SYNE2: variants seen among roughly 807,000 people sequenced by gnomAD.
SYNE2 encodes the protein nesprin-2.
In SYNE2, 431 loss-of-function variants were observed where a neutral mutation model predicts 856.3. That is an observed-to-expected ratio of 0.50 (90% CI 0.47 to 0.55). The LOEUF is 0.55. SYNE2 is among the 20% of genes least tolerant of loss of function. The probability of loss-of-function intolerance (pLI) is 0.00; values close to 1 mark genes in which losing one functional copy is unlikely to be tolerated. For missense variants in SYNE2, 8,129 were observed against 8,023.2 expected, an observed-to-expected ratio of 1.01 and a Z score of -0.50; for synonymous variants, 2,923 against 2,872.3, an observed-to-expected ratio of 1.02 and a Z score of -0.56.
Position 64,107,901 on chromosome 14 carries a change from T to C in SYNE2, c.12609+294T>C, listed in dbSNP as rs138927377. Among the ~76,000 whole-genome samples, 855 of 152,296 alleles carry C rather than the reference T, an allele frequency of 5.6e-3. 8 individuals are homozygous for C. Among genetic ancestry groups the C allele is most frequent in the African/African-American group, 0.02 (815 of 41,556 alleles). On this transcript the variant is annotated intron_variant, in intron 65 of 115. Coordinates refer to ENST00000555002, the MANE Select transcript of SYNE2 (RefSeq NM_182914.3). ...TTCTTTAATCTGTAGATAGAACTTA[T>C]GGGGGCAAAGAAAGTAGAGAAGGGT...
intron 12 of SYNE2, 100 bp downstream of exon 12, chr14:63,976,827 G>T: frequency 7.7e-7 from 1 of 1,302,746 alleles, no homozygotes; most frequent in Non-Finnish European, 1.1e-6. Flanking sequence ...GATAATAGTG[G>T]ATATTTGAGG....
chr14:63,821,730 G>A (rs2139865699), intron 1 of SYNE2, among the ~76,000 whole-genome samples: 1 of 151,646 alleles, frequency 6.6e-6, no homozygotes, highest in Admixed American at 6.6e-5. Flanking sequence ...TCCAGCCTAG[G>A]TGACAGAGCA....
In SYNE2 at chr14:64,009,649, A is replaced by T. The variant is rs2096828508; in HGVS notation, c.4578-317A>T. ...TGTTAAAGGGGCTCTGTTTTCTGAG[A>T]TGTCTTTTGGTTAATGATGAAATTG... On this transcript the variant is annotated intron_variant, in intron 31 of 115. Coordinates refer to ENST00000555002, the MANE Select transcript of SYNE2 (RefSeq NM_182914.3). Among the ~76,000 whole-genome samples, 3 of 151,756 alleles carry T rather than the reference A, an allele frequency of 2.0e-5. No homozygotes were observed. The South Asian group carries it at 6.2e-4, about 32-fold the overall frequency.
chr14:63,826,498 C>T (rs1477963010), intron 1 of SYNE2, among the ~76,000 whole-genome samples: 1 of 152,100 alleles, frequency 6.6e-6, no homozygotes, highest in Non-Finnish European at 1.5e-5. Flanking sequence ...GATGGGGTAT[C>T]ACCATGTTGG....
intron 64 of SYNE2, among the ~76,000 whole-genome samples, chr14:64,102,333 T>C (rs905716430): frequency 6.6e-6 from 1 of 152,186 alleles, no homozygotes; most frequent in African/African-American, 2.4e-5. Context: ...CCTGACTTTC[T>C]ATGTTAGCTT....
At position 64,137,824 on chromosome 14, in the gene SYNE2, T is replaced by G; in HGVS notation, c.14684T>G (p.Leu4895Arg). Reference sequence around the variant, plus strand: ...AACATTGGTGGAAAACACGCCCGGCTTTACCAAACTCTGAACGAAGGCAAA... The same window carrying G: ...AACATTGGTGGAAAACACGCCCGGCGTTACCAAACTCTGAACGAAGGCAAA... ...KRNIGGKHAR[L>R]YQTLNEGKQL... The change falls in exon 79 of 116, where the codon CTT (leucine) becomes CGT (arginine). Residue 4895 changes from leucine (L) to arginine (R), a missense_variant. By Grantham distance (102) the Leu-to-Arg change is moderately radical. Around this residue, in one of 3 missense-constraint regions of SYNE2, gnomAD observed 5,410 missense variants for 5,284.8 expected, o/e 1.02. Transcript: ENST00000555002. The G allele has an allele frequency of 6.2e-7, 1 of 1,614,214 alleles. No homozygotes were observed. Among genetic ancestry groups the G allele is most frequent in the African/African-American group, 1.3e-5 (1 of 75,052 alleles).
At chr14:63,871,719 C>T (rs556461766) in intron 1 of SYNE2, among the ~76,000 whole-genome samples, 11 of 151,762 alleles carry the variant, frequency 7.2e-5, no homozygotes, top group African/African-American at 2.4e-4. Flanking sequence ...GTCTCAAACT[C>T]CTGAGCTTAA....
intron 2 of SYNE2, among the ~76,000 whole-genome samples, chr14:63,927,995 G>C (rs1462261079): frequency 2.0e-5 from 3 of 151,590 alleles, no homozygotes; most frequent in Non-Finnish European, 4.4e-5. Flanking sequence ...AAATTACCTA[G>C]TCTTAGGCAT....
chr14:64,040,597 A>AATATATATAT (rs3031304), intron 45 of SYNE2, among the ~76,000 whole-genome samples: 1 of 142,544 alleles, frequency 7.0e-6, no homozygotes, highest in African/African-American at 2.6e-5. Context: ...TGAGGTTAAA[A>AATATATATAT]ATATATATAT....
At chr14:63,964,264 A>T (rs2096360744) in intron 10 of SYNE2, among the ~76,000 whole-genome samples, 1 of 152,168 alleles carries the variant, frequency 6.6e-6, no homozygotes, top group Admixed American at 6.5e-5. Context: ...GGTGATGTTG[A>T]TTCAGCTGGT....
At chr14:64,169,847 G>T (rs1372617611) in intron 93 of SYNE2, among the ~76,000 whole-genome samples, 2 of 152,170 alleles carry the variant, frequency 1.3e-5, no homozygotes, top group Non-Finnish European at 2.9e-5. Flanking sequence ...CTAAAATTAT[G>T]TAAAGTACAC....
At chr14:63,853,753 C>T (rs1891026040) in intron 1 of SYNE2, among the ~76,000 whole-genome samples, 3 of 150,908 alleles carry the variant, frequency 2.0e-5, no homozygotes, top group Non-Finnish European at 4.4e-5. Flanking sequence ...GGAGGGGCGG[C>T]GGCGGGTGCG....
At chr14:63,824,847 GA>G (rs1367545323) in intron 1 of SYNE2, among the ~76,000 whole-genome samples, 1 of 151,846 alleles carries the variant, frequency 6.6e-6, no homozygotes, top group African/African-American at 2.4e-5. Context: ...AAGAGTTAGG[GA>G]CAGATGCCTG....
chr14:63,955,769 A>G (rs376458165), intron 8 of SYNE2, among the ~76,000 whole-genome samples: 1 of 152,196 alleles, frequency 6.6e-6, no homozygotes, highest in Non-Finnish European at 1.5e-5. Context: ...AACGTTTATG[A>G]TACGCTTTCT....
chr14:63,844,784 C>T (rs1890177581), intron 1 of SYNE2, among the ~76,000 whole-genome samples: 1 of 152,046 alleles, frequency 6.6e-6, no homozygotes, highest in Admixed American at 6.6e-5. Flanking sequence ...GTGGCTCATG[C>T]TTGTAATCTT....
At chr14:64,209,214 C>T (rs2098627004) in intron 101 of SYNE2, 1 of 888,338 alleles carries the variant, frequency 1.1e-6, no homozygotes, top group Non-Finnish European at 1.7e-6. Flanking sequence ...GCAGCCCTGT[C>T]TCCTGGTTTT....
At chr14:63,819,513 G>A (rs1595142959) in intron 1 of SYNE2, among the ~76,000 whole-genome samples, 1 of 150,226 alleles carries the variant, frequency 6.7e-6, no homozygotes, top group South Asian at 2.1e-4. Flanking sequence ...TTACAGATGT[G>A]AGCCACCATG....
chr14:64,102,579 T>C (rs537005045), intron 64 of SYNE2, among the ~76,000 whole-genome samples: 21 of 151,184 alleles, frequency 1.4e-4, no homozygotes, highest in Middle Eastern at 6.8e-3. Flanking sequence ...TTGAAATGTG[T>C]ATACGTTGGA....
chr14:64,175,560 A>G (rs2098430767), intron 95 of SYNE2, among the ~76,000 whole-genome samples: 1 of 152,184 alleles, frequency 6.6e-6, no homozygotes, highest in Non-Finnish European at 1.5e-5. Flanking sequence ...CTGTTAGGAA[A>G]ATCATTATTG....
Sources: allele counts gnomAD v4.1 joint callset (sites outside exome capture counted in the v4.1 genomes callset), GRCh38; gene constraint gnomAD v4.1.1; regional missense constraint gnomAD v4.1.1; transcripts MANE v1.5; gene names NCBI Gene and HGNC (gene_info 2026-07-23, HGNC 2026-07-21).